TENM2: variants seen among roughly 807,000 people sequenced by gnomAD.
TENM2 encodes the protein teneurin transmembrane protein 2, also known as teneurin-2.
A neutral mutation model predicts 245.2 loss-of-function variants in TENM2; 52 were observed. The observed-to-expected ratio is 0.21, with a 90% CI of 0.17 to 0.27. TENM2 has a LOEUF of 0.27. Ranked by LOEUF, TENM2 falls within the 10% of genes least tolerant of loss-of-function variation. The pLI is 1.00. For missense variants in TENM2, 3,046 were observed against 3,666.8 expected (o/e 0.83, Z 4.37); for synonymous variants, 1,363 against 1,438.9 (o/e 0.95, Z 1.19).
At chr5:167,947,882 A>G (rs1412754767) in intron 3 of TENM2, among the ~76,000 whole-genome samples, 2 of 152,052 alleles carry the variant, frequency 1.3e-5, no homozygotes, top group South Asian at 2.1e-4. Flanking sequence ...TTTCTTTCAT[A>G]TATTTTATCA....
chr5:167,150,884 AATG>A, the TENM2 span, among the ~76,000 whole-genome samples: 1 of 152,202 alleles, frequency 6.6e-6, no homozygotes, highest in African/African-American at 2.4e-5. Context: ...CTTTCAAGAA[AATG>A]ATGGAGTGAG....
intron 2 of TENM2, among the ~76,000 whole-genome samples, chr5:167,623,272 G>A (rs1396743983): frequency 4.6e-5 from 7 of 152,012 alleles, no homozygotes; most frequent in African/African-American, 9.7e-5. Context: ...TATTATTTCC[G>A]TTGTCCTGTT....
At chr5:168,195,551 C>CGTGTATGT (rs1411966852) in intron 15 of TENM2, among the ~76,000 whole-genome samples, 5 of 98,126 alleles carry the variant, frequency 5.1e-5, no homozygotes, top group Admixed American at 1.2e-4. Flanking sequence ...GGTCAATGCA[C>CGTGTATGT]GTGTGTGTGT....
intron 12 of TENM2, among the ~76,000 whole-genome samples, chr5:168,139,902 G>A (rs536735990): frequency 2.0e-5 from 3 of 152,124 alleles, no homozygotes; most frequent in Non-Finnish European, 2.9e-5. Flanking sequence ...GTTATGTATG[G>A]TCTCCCAATT....
chr5:167,306,542 C>G (rs1304674463), intron 1 of TENM2: 2 of 151,944 alleles, frequency 1.3e-5, no homozygotes, highest in Non-Finnish European at 2.9e-5. Context: ...ACCCACACAT[C>G]CCTGGTTGTA....
In TENM2 at chr5:167,989,302, T is replaced by G. The variant is rs80208672; in HGVS notation, c.948-3642T>G. Among the ~76,000 whole-genome samples, 1,162 of 118,244 alleles carry G rather than the reference T, an allele frequency of 9.8e-3. 12 individuals are homozygous for G. Among genetic ancestry groups the G allele is most frequent in the South Asian group, 0.049 (183 of 3,718 alleles). 77.6% of individuals were successfully genotyped at this position (118,244 alleles called of 152,430 possible). A position where few individuals can be genotyped will look rare whatever the true frequency, so the allele number is the denominator to read the frequency against. On this transcript the variant is annotated intron_variant, in intron 4 of 28. Transcript: ENST00000518659. ...AGAGAGAGAGAGAGAGAGAGAGAGA[T>G]AGATAGATTTGTGAGTGCACAAAAT...
intron 2 of TENM2, among the ~76,000 whole-genome samples, chr5:167,674,480 A>G (rs1756176014): frequency 6.6e-6 from 1 of 152,160 alleles, no homozygotes; most frequent in Non-Finnish European, 1.5e-5. Context: ...GGAGGCAGAT[A>G]TGCAAAACTG....
intron 12 of TENM2, among the ~76,000 whole-genome samples, chr5:168,159,976 C>T (rs1757597702): frequency 6.6e-6 from 1 of 152,158 alleles, no homozygotes; most frequent in Non-Finnish European, 1.5e-5. Context: ...ACGTGGGTTT[C>T]CTATACAATG....
At chr5:167,142,055 A>G in the TENM2 span, among the ~76,000 whole-genome samples, 3 of 152,192 alleles carry the variant, frequency 2.0e-5, no homozygotes, top group Non-Finnish European at 4.4e-5. Context: ...AACATTGCCT[A>G]CAGTTCTTTA....
chr5:167,204,174 T>C, the TENM2 span, among the ~76,000 whole-genome samples: 14 of 145,020 alleles, frequency 9.7e-5, no homozygotes, highest in South Asian at 1.9e-3. Context: ...AAAAAAAAGG[T>C]GATTGACTGG....
At chr5:167,030,818 G>C in the TENM2 span, among the ~76,000 whole-genome samples, 1 of 152,170 alleles carries the variant, frequency 6.6e-6, no homozygotes. Context: ...AATTACTGCT[G>C]ATGCCTGCCA....
At chr5:168,011,989 G>A (rs532142852) in intron 5 of TENM2, among the ~76,000 whole-genome samples, 7 of 152,262 alleles carry the variant, frequency 4.6e-5, no homozygotes, top group Non-Finnish European at 7.4e-5. Context: ...CATAGTCAGT[G>A]GTTAGGATTT....
intron 3 of TENM2, among the ~76,000 whole-genome samples, chr5:167,944,103 A>T (rs1218995219): frequency 2.0e-5 from 3 of 152,224 alleles, no homozygotes; most frequent in Non-Finnish European, 2.9e-5. Context: ...TGGTCAAATG[A>T]TGTGGCACCT....
chr5:168,052,020 G>A (rs1372354158), intron 6 of TENM2, among the ~76,000 whole-genome samples: 2 of 152,128 alleles, frequency 1.3e-5, no homozygotes, highest in Non-Finnish European at 2.9e-5. Flanking sequence ...AACACTTTGG[G>A]ATGCGAAAGT....
chr5:167,230,754 G>C, the TENM2 span, among the ~76,000 whole-genome samples: 1 of 152,164 alleles, frequency 6.6e-6, no homozygotes, highest in East Asian at 1.9e-4. Context: ...TAATGAGTAA[G>C]AATCTGTTAG....
chr5:168,005,876 G>T (rs10064705), intron 5 of TENM2, among the ~76,000 whole-genome samples: 119 of 152,222 alleles, frequency 7.8e-4, no homozygotes, highest in African/African-American at 2.3e-3. Context: ...GAAAAAGCAA[G>T]CATGCACAAG....
At chr5:167,167,356 G>A in the TENM2 span, among the ~76,000 whole-genome samples, 1 of 152,168 alleles carries the variant, frequency 6.6e-6, no homozygotes. Flanking sequence ...GCTCTGTGTT[G>A]TTTCTAAACT....
intron 2 of TENM2, among the ~76,000 whole-genome samples, chr5:167,672,731 C>T (rs1756039998): frequency 6.6e-6 from 1 of 152,052 alleles, no homozygotes; most frequent in Admixed American, 6.6e-5. Flanking sequence ...GATGTAAGTT[C>T]AGGTGTTCAC....
chr5:167,842,580 CAAAAAAAA>C (rs1160974467), intron 2 of TENM2, among the ~76,000 whole-genome samples: 9 of 45,324 alleles, frequency 2.0e-4, no homozygotes, highest in East Asian at 8.7e-4. Context: ...GACTCCATGT[CAAAAAAAA>C]AAAAAAAAAA....
Sources: gnomAD v4.1 joint callset for allele counts (sites outside exome capture counted in the v4.1 genomes callset) on GRCh38, gnomAD v4.1.1 for gene constraint, MANE v1.5 for transcripts, NCBI Gene and HGNC (gene_info 2026-07-23, HGNC 2026-07-21) for gene names.